SHQ1: variants seen among roughly 807,000 people sequenced by gnomAD.
The protein encoded by SHQ1 is SHQ1, H/ACA ribonucleoprotein assembly factor, also known as protein SHQ1 homolog.
A neutral mutation model predicts 53.8 loss-of-function variants in SHQ1; 49 were observed. That is an observed-to-expected ratio of 0.91 (90% CI 0.72 to 1.16). The LOEUF is 1.16. SHQ1 is among the 50% of genes most tolerant of loss of function. SHQ1 has a pLI of 0.00. For synonymous variants in SHQ1, 243 were observed against 251.0 expected, an observed-to-expected ratio of 0.97 and a Z score of 0.30; for missense variants, 738 against 683.1, an observed-to-expected ratio of 1.08 and a Z score of -0.90.
rs1025685844 is a variant in SHQ1, at chr3:72,755,668, G to A, written c.1182-4832C>T. Among the ~76,000 whole-genome samples, 6 of 152,214 alleles carry A rather than the reference G, an allele frequency of 3.9e-5. No homozygotes were observed. In the South Asian group the frequency reaches 8.3e-4, roughly 21 times the overall value. ...AAAAAAATTAAGCCATGAAAGAGTA[G>A]CTGTTTTGTTTTTTTCAACCACTAG... On this transcript the variant is annotated intron_variant, in intron 10 of 10. Coordinates refer to ENST00000325599, the MANE Select transcript of SHQ1 (RefSeq NM_018130.3).
intron 10 of SHQ1, among the ~76,000 whole-genome samples, chr3:72,783,992 C>A (rs906329743): frequency 1.3e-5 from 2 of 152,012 alleles, no homozygotes; most frequent in Non-Finnish European, 2.9e-5. Flanking sequence ...ATAATAACAT[C>A]AATATTCGTT....
Position 72,817,140 on chromosome 3 carries a change from A to G in SHQ1, c.882+90T>C, listed in dbSNP as rs532753444. 81 of 1,380,942 alleles carry G rather than the reference A, an allele frequency of 5.9e-5. 1 individual carries two copies. The South Asian group carries it at 9.3e-4, about 16-fold the overall frequency. The allele number at this position is 1,380,942 out of a possible 1,614,324, so 85.5% of individuals were successfully genotyped here. On this transcript the variant is annotated intron_variant, in intron 7 of 10. Coordinates refer to ENST00000325599, the MANE Select transcript of SHQ1 (RefSeq NM_018130.3). The stretch of plus-strand genomic sequence containing the variant: ...ATCCCCTGAATAACTGATCACCACC[A>G]GTTCTACTCTAGACAAGAAAGACTG...
chr3:72,811,324 T>C (rs1707116123), intron 9 of SHQ1, among the ~76,000 whole-genome samples: 1 of 152,212 alleles, frequency 6.6e-6, no homozygotes, highest in African/African-American at 2.4e-5. Flanking sequence ...TAATCTAGCA[T>C]GACTTAAAAA....
the SHQ1 span, among the ~76,000 whole-genome samples, chr3:72,742,847 G>A: frequency 2.0e-5 from 3 of 152,020 alleles, no homozygotes; most frequent in Non-Finnish European, 2.9e-5. Context: ...GGCTGGTCTC[G>A]AACTGCTGAG....
chr3:72,750,952 G>T (rs954615245), intron 10 of SHQ1, 116 bp from the exon 11 acceptor site: 4 of 761,328 alleles, frequency 5.3e-6, no homozygotes, highest in Non-Finnish European at 8.1e-6. Flanking sequence ...GGCACACCAG[G>T]ATATATATCA....
chr3:72,834,286 C>T (rs530147467), intron 4 of SHQ1, among the ~76,000 whole-genome samples: 1 of 152,124 alleles, frequency 6.6e-6, no homozygotes, highest in Non-Finnish European at 1.5e-5. Context: ...CCCAGCACTT[C>T]GGGAGGCCAA....
At chr3:72,792,784 C>CAA (rs59948195) in intron 10 of SHQ1, 132 bp downstream of exon 10, 8,581 of 257,364 alleles carry the variant, frequency 0.033, 45 homozygotes, top group South Asian at 0.049. Context: ...ACCTCCATCT[C>CAA]AAAAAAAAAA....
At chr3:72,764,730 G>C (rs541715925) in intron 10 of SHQ1, among the ~76,000 whole-genome samples, 3 of 152,250 alleles carry the variant, frequency 2.0e-5, no homozygotes, top group Admixed American at 2.0e-4. Context: ...CTCTGAACAG[G>C]AGTCTTTTTA....
chr3:72,737,040 T>G, the SHQ1 span, among the ~76,000 whole-genome samples: 1 of 151,594 alleles, frequency 6.6e-6, no homozygotes, highest in African/African-American at 2.4e-5. Flanking sequence ...GAGGCTGAGG[T>G]GGGTGGATTG....
intron 10 of SHQ1, among the ~76,000 whole-genome samples, chr3:72,785,993 AC>A (rs1706221778): frequency 6.6e-6 from 1 of 151,886 alleles, no homozygotes; most frequent in South Asian, 2.1e-4. Flanking sequence ...CCCAAACTAC[AC>A]CTTCTTCATT....
In SHQ1 at chr3:72,762,715, C is replaced by T. The variant is rs559916393; in HGVS notation, c.1182-11879G>A. Among the ~76,000 whole-genome samples the T allele has an allele frequency of 3.7e-3, 567 of 152,240 alleles. 2 individuals carry two copies. Among genetic ancestry groups the T allele is most frequent in the African/African-American group, 0.012 (488 of 41,550 alleles). On this transcript the variant is annotated intron_variant, in intron 10 of 10. Transcript: ENST00000325599. The stretch of plus-strand genomic sequence containing the variant: ...CTTGAGACAGAGTCTCGCTCTGTCA[C>T]CCAGGCTGGAGTGCAGTGGCGTAAT...
chr3:72,788,047 G>A lies in SHQ1; in HGVS notation c.1181+4869C>T, dbSNP rs369119320. ...GTTGCCCAGGCTGGAGTGCAGTGGC[G>A]TGATCTCGGCTCGCTACAACCTCAA... is the stretch of plus-strand genomic sequence containing the variant. On this transcript the variant is annotated intron_variant, in intron 10 of 10. Coordinates refer to ENST00000325599, the MANE Select transcript of SHQ1 (RefSeq NM_018130.3). 8.5e-5 allele frequency among the ~76,000 whole-genome samples: 13 copies of A among 152,192 alleles called. No homozygotes were observed. The East Asian group carries it at 9.6e-4, about 11-fold the overall frequency.
chr3:72,761,988 G>A (rs1217537937), intron 10 of SHQ1, among the ~76,000 whole-genome samples: 1 of 152,162 alleles, frequency 6.6e-6, no homozygotes, highest in African/African-American at 2.4e-5. Flanking sequence ...GAAAGCAGGG[G>A]AGCTAAAGGC....
intron 10 of SHQ1, chr3:72,753,556 GCA>G: frequency 9.1e-6 from 9 of 985,382 alleles, no homozygotes; most frequent in Non-Finnish European, 9.6e-6. Context: ...TGAGCGGGAG[GCA>G]CAGTGCGGTG....
chr3:72,811,971 A>G (rs1446387257), intron 9 of SHQ1, among the ~76,000 whole-genome samples: 2 of 152,190 alleles, frequency 1.3e-5, no homozygotes, highest in Non-Finnish European at 1.5e-5. Flanking sequence ...ATACATACAA[A>G]TGGATGTTGC....
the SHQ1 span, among the ~76,000 whole-genome samples, chr3:72,728,928 T>C: frequency 6.6e-6 from 1 of 152,218 alleles, no homozygotes; most frequent in South Asian, 2.1e-4. Context: ...CATGCTGTTG[T>C]TGGATTCTCG....
intron 6 of SHQ1, among the ~76,000 whole-genome samples, chr3:72,819,209 A>G (rs995542766): frequency 6.6e-6 from 1 of 152,218 alleles, no homozygotes; most frequent in East Asian, 1.9e-4. Context: ...CTCAACTTTA[A>G]GCACTAGTTC....
chr3:72,844,918 A>G (rs1472459488), intron 1 of SHQ1, among the ~76,000 whole-genome samples: 1 of 152,210 alleles, frequency 6.6e-6, no homozygotes, highest in Admixed American at 6.5e-5. Flanking sequence ...GGTGTATATA[A>G]AACAAATAAA....
chr3:72,798,804 C>G (rs1318214871), intron 9 of SHQ1, among the ~76,000 whole-genome samples: 5 of 152,184 alleles, frequency 3.3e-5, no homozygotes, highest in Admixed American at 3.3e-4. Flanking sequence ...TTTTTGCTGG[C>G]TAAAAGCCAG....
Sources: allele counts gnomAD v4.1 joint callset (sites outside exome capture counted in the v4.1 genomes callset), GRCh38; gene constraint gnomAD v4.1.1; transcripts MANE v1.5; gene names NCBI Gene and HGNC (gene_info 2026-07-23, HGNC 2026-07-21).